The following ISY1 variants were observed in gnomAD, a reference collection of about 807,000 sequenced individuals.
ISY1 encodes the protein pre-mRNA-splicing factor ISY1 homolog.
In ISY1, 12 loss-of-function variants were observed where a neutral mutation model predicts 54.4. The ratio of observed to expected loss-of-function variants is 0.22; its 90% CI spans 0.14 to 0.36. ISY1 has a LOEUF of 0.36. ISY1 is among the 10% of genes least tolerant of loss of function. The pLI, the probability that ISY1 is intolerant of heterozygous loss-of-function variation, is 1.00. For missense variants in ISY1, 282 were observed against 342.2 expected (o/e 0.82, Z 1.39); for synonymous variants, 96 against 117.9 (o/e 0.81, Z 1.20).
chr3:129,132,549 G>A (rs1278398613), intron 9 of ISY1, among the ~76,000 whole-genome samples: 1 of 152,160 alleles, frequency 6.6e-6, no homozygotes, highest in Non-Finnish European at 1.5e-5. Context: ...CCTTGGTTAA[G>A]TTCGCTGGAT....
chr3:129,133,567 G>A (rs1322837314), intron 9 of ISY1, among the ~76,000 whole-genome samples: 3 of 152,174 alleles, frequency 2.0e-5, no homozygotes, highest in Non-Finnish European at 4.4e-5. Flanking sequence ...GGTGGCACTC[G>A]CCTGTAGTCC....
At chr3:129,150,998 G>A (rs1361718671) in intron 5 of ISY1, among the ~76,000 whole-genome samples, 3 of 151,334 alleles carry the variant, frequency 2.0e-5, no homozygotes, top group Admixed American at 6.6e-5. Context: ...GGTGGTGGAT[G>A]CCTGTAGTCC....
At chr3:129,130,822 G>T in intron 9 of ISY1, 186 bp from the exon 10 acceptor site, 1 of 528,802 alleles carries the variant, frequency 1.9e-6, no homozygotes, top group Non-Finnish European at 3.1e-6. Context: ...TGTATATTAT[G>T]CTACCTTTTG....
At chr3:129,130,247 A>G in intron 10 of ISY1, 59 bp from the exon 11 acceptor site, 1 of 1,524,590 alleles carries the variant, frequency 6.6e-7, no homozygotes, top group Non-Finnish European at 8.8e-7. Flanking sequence ...CCCCTGCCAG[A>G]CCCAGCCAGG....
intron 5 of ISY1, among the ~76,000 whole-genome samples, chr3:129,147,744 G>T (rs1159671882): frequency 1.3e-5 from 2 of 151,676 alleles, no homozygotes; most frequent in African/African-American, 4.8e-5. Context: ...AAGTTCCATC[G>T]CCCCAAAACA....
At chr3:129,130,682 A>G in intron 9 of ISY1, 46 bp from the exon 10 acceptor site, 1 of 1,606,024 alleles carries the variant, frequency 6.2e-7, no homozygotes, top group Non-Finnish European at 8.5e-7. Flanking sequence ...GCCCAGCTAG[A>G]TAAATGCTGG....
chr3:129,149,484 C>G (rs536332341), intron 5 of ISY1, among the ~76,000 whole-genome samples: 1 of 131,408 alleles, frequency 7.6e-6, no homozygotes, highest in East Asian at 2.3e-4. Flanking sequence ...CACAGCAGCT[C>G]ACGCCTGTAG....
rs1366933997 is a variant in ISY1 at position 129,134,258 on chromosome 3, G to C, written c.542-63C>G. 3.1e-6 allele frequency: 5 copies of C among 1,608,476 alleles called. No individual in the cohort carries two copies. The African/African-American group carries it at 6.7e-5, about 22-fold the overall frequency. On this transcript the variant is annotated intron_variant, in intron 8 of 10. Coordinates refer to ENST00000393295, the MANE Select transcript of ISY1 (RefSeq NM_020701.4). ...CTAAATGAGCTTTCAACACTATGCA[G>C]GGAAAGGCCAACACTATGCAGGGAA...
chr3:129,143,596 TAC>T (rs1363836787), intron 6 of ISY1, among the ~76,000 whole-genome samples: 5 of 151,444 alleles, frequency 3.3e-5, no homozygotes, highest in African/African-American at 1.2e-4. Context: ...GTATTCCTTG[TAC>T]AGTTTAGAGA....
chr3:129,132,222 A>G lies in ISY1; in HGVS notation c.664-1586T>C, dbSNP rs1576868430. Among the ~76,000 whole-genome samples the G allele has an allele frequency of 2.0e-5, 3 of 152,132 alleles. No individual in the cohort carries two copies. In the East Asian group the frequency reaches 5.8e-4, roughly 29 times the overall value. ...CCACACACTCAATATGCCAATGTCA[A>G]CCTCCCAGTTTTACTACTGTGCTAG... On this transcript the variant is annotated intron_variant, in intron 9 of 10. Coordinates refer to ENST00000393295, the MANE Select transcript of ISY1 (RefSeq NM_020701.4).
At chr3:129,156,388 G>T (rs1456601062) in intron 5 of ISY1, among the ~76,000 whole-genome samples, 1 of 114,932 alleles carries the variant, frequency 8.7e-6, no homozygotes, top group Non-Finnish European at 1.8e-5. Context: ...GACAGAGTGA[G>T]ACTCTGTCTC....
At chr3:129,137,984 A>G (rs1936474228) in intron 7 of ISY1, among the ~76,000 whole-genome samples, 1 of 150,526 alleles carries the variant, frequency 6.6e-6, no homozygotes, top group Admixed American at 6.7e-5. Flanking sequence ...TCCACTAAAA[A>G]TACAAATTAG....
chr3:129,134,319 A>G (rs764163333), intron 8 of ISY1, 124 bp from the exon 9 acceptor site: 4 of 1,524,762 alleles, frequency 2.6e-6, no homozygotes, highest in Non-Finnish European at 3.5e-6. Context: ...GACACCCTTC[A>G]TTCTGCCCCC....
At chr3:129,135,570 C>T (rs565077612) in intron 7 of ISY1, among the ~76,000 whole-genome samples, 121 of 151,924 alleles carry the variant, frequency 8.0e-4, no homozygotes, top group African/African-American at 2.8e-3. Context: ...TCAAGACCAG[C>T]GTGGCCAATA....
chr3:129,159,769 A>T (rs183072132), intron 1 of ISY1, among the ~76,000 whole-genome samples: 25 of 152,316 alleles, frequency 1.6e-4, no homozygotes, highest in Non-Finnish European at 2.5e-4. Flanking sequence ...CATCTGTGAG[A>T]AGTAGTCTCT....
chr3:129,158,107 C>A lies in ISY1; in HGVS notation c.78+401G>T, dbSNP rs145190246. ...CTCCTGTCCTCAAGTGATCCACCCC[C>A]CTCAGCCTCTCAAAGTGCTGGGATT... On this transcript the variant is annotated intron_variant, in intron 3 of 10. Transcript: ENST00000393295. Among the ~76,000 whole-genome samples, 1,021 of 151,564 alleles carry A rather than the reference C, an allele frequency of 6.7e-3. 11 individuals carry two copies. Among genetic ancestry groups the A allele is most frequent in the African/African-American group, 0.024 (978 of 41,280 alleles).
intron 9 of ISY1, among the ~76,000 whole-genome samples, chr3:129,131,424 A>G (rs1434647424): frequency 6.6e-6 from 1 of 152,200 alleles, no homozygotes; most frequent in South Asian, 2.1e-4. Context: ...CGACTCACAT[A>G]TGTAAAGTTC....
intron 3 of ISY1, among the ~76,000 whole-genome samples, chr3:129,157,923 C>T (rs990065814): frequency 2.6e-5 from 4 of 151,880 alleles, no homozygotes; most frequent in Non-Finnish European, 5.9e-5. Context: ...TGCAGCAGCG[C>T]GCTCTCGGTG....
chr3:129,150,937 C>T (rs1936947473), intron 5 of ISY1, among the ~76,000 whole-genome samples: 1 of 150,542 alleles, frequency 6.6e-6, no homozygotes, highest in Admixed American at 6.7e-5. Context: ...CCAGCCTAGC[C>T]AACATGGTGA....
Sources: gnomAD v4.1 joint callset for allele counts (sites outside exome capture counted in the v4.1 genomes callset) on GRCh38, gnomAD v4.1.1 for gene constraint, MANE v1.5 for transcripts, NCBI Gene and HGNC (gene_info 2026-07-23, HGNC 2026-07-21) for gene names.